Variants in FBN1 observed in about 807,000 individuals in gnomAD.
FBN1 encodes fibrillin-1.
Under a neutral mutation model 365.1 loss-of-function variants are expected in FBN1, and 29 were observed. The ratio of observed to expected loss-of-function variants is 0.08; its 90% CI spans 0.06 to 0.11. The LOEUF (loss-of-function observed/expected upper bound fraction) is 0.11, where lower values mean the gene tolerates loss of function less well. FBN1 is among the 10% of genes least tolerant of loss of function. The pLI, the probability that FBN1 is intolerant of heterozygous loss-of-function variation, is 1.00. For synonymous variants in FBN1, 1,210 were observed against 1,270.5 expected (o/e 0.95, Z 1.01); for missense variants, 2,476 against 3,703.2 (o/e 0.67, Z 8.60).
chr15:48,431,620 C>A (rs2043023214), intron 55 of FBN1, among the ~76,000 whole-genome samples: 1 of 148,790 alleles, frequency 6.7e-6, no homozygotes, highest in Non-Finnish European at 1.5e-5. Context: ...TTACATTATG[C>A]AATAATTATA....
chr15:48,448,724 C>T, intron 46 of FBN1, 44 bp downstream of exon 46: 1 of 1,585,982 alleles, frequency 6.3e-7, no homozygotes, highest in Non-Finnish European at 8.6e-7. Context: ...TCAAATGAAG[C>T]TTTCAACAGC....
intron 9 of FBN1, among the ~76,000 whole-genome samples, chr15:48,521,699 A>C (rs768542691): frequency 1.3e-5 from 2 of 152,250 alleles, no homozygotes; most frequent in Non-Finnish European, 2.9e-5. Flanking sequence ...TATTACCACG[A>C]AACAGTGAAG....
In FBN1 at chr15:48,531,928, GA is replaced by G. The variant is rs368047861; in HGVS notation, c.862+2151del. Among the ~76,000 whole-genome samples, 1,036 of 151,210 alleles carry G rather than the reference GA, an allele frequency of 6.9e-3. 16 individuals are homozygous for G. Among genetic ancestry groups the G allele is most frequent in the African/African-American group, 0.024 (988 of 41,220 alleles). ...ATTAATGTAATAGTAGATGGCAAAG[GA>G]AAAAAAAATCTAGCCAAAATAGTCT... is the stretch of plus-strand genomic sequence containing the variant. On this transcript the variant is annotated intron_variant, in intron 8 of 65. Coordinates refer to ENST00000316623, the MANE Select transcript of FBN1 (RefSeq NM_000138.5).
At chr15:48,437,733 C>T in intron 51 of FBN1, 35 bp downstream of exon 51, 1 of 1,612,092 alleles carries the variant, frequency 6.2e-7, no homozygotes, top group East Asian at 2.2e-5. Flanking sequence ...CTGCACCCTG[C>T]ATGGCCCAGA....
rs553696948 is a variant in FBN1 at position 48,590,364 on chromosome 15, T to C, written c.538+5919A>G. 7.0e-4 allele frequency among the ~76,000 whole-genome samples: 107 copies of C among 152,350 alleles called. 2 individuals are homozygous for C. Among genetic ancestry groups the C allele is most frequent in the African/African-American group, 2.5e-3 (102 of 41,588 alleles). On this transcript the variant is annotated intron_variant, in intron 6 of 65. Coordinates refer to ENST00000316623, the MANE Select transcript of FBN1 (RefSeq NM_000138.5). ...TCCAAAATGGACTATCTGATTATTA[T>C]ATATTTGGATAATTACATGTTAGTC... is the stretch of plus-strand genomic sequence containing the variant.
chr15:48,535,661 G>GTTCTTGAGAAAT (rs2044007325), intron 7 of FBN1, among the ~76,000 whole-genome samples: 1 of 152,138 alleles, frequency 6.6e-6, no homozygotes, highest in Non-Finnish European at 1.5e-5. Context: ...CTCAACCTGT[G>GTTCTTGAGAAAT]TTCTTGAGAA....
chr15:48,538,891 G>C (rs565261640), intron 6 of FBN1, among the ~76,000 whole-genome samples: 26 of 152,260 alleles, frequency 1.7e-4, no homozygotes, highest in African/African-American at 5.3e-4. Context: ...ACCTGTGAAC[G>C]CAACAGTTTT....
At chr15:48,603,463 A>G (rs752553622) in intron 4 of FBN1, among the ~76,000 whole-genome samples, 8 of 152,236 alleles carry the variant, frequency 5.3e-5, no homozygotes, top group Non-Finnish European at 1.0e-4. Context: ...GGGAAGTGAA[A>G]GAACTAGATA....
At chr15:48,468,632 AT>A in intron 36 of FBN1, 98 bp from the exon 37 acceptor site, 1 of 1,282,776 alleles carries the variant, frequency 7.8e-7, no homozygotes, top group Non-Finnish European at 1.1e-6. Flanking sequence ...CCAAACAAGA[AT>A]TTTAAAGCTA....
intron 2 of FBN1, among the ~76,000 whole-genome samples, chr15:48,617,512 G>A (rs548664796): frequency 2.6e-5 from 4 of 152,226 alleles, no homozygotes; most frequent in Admixed American, 6.5e-5. Context: ...TAGTTTATAG[G>A]GGAAAGAGGG....
Position 48,445,168 on chromosome 15 carries a change from A to G in FBN1, c.5917+208T>C, listed in dbSNP as rs527977897. Among the ~76,000 whole-genome samples, 557 of 140,542 alleles carry G rather than the reference A, an allele frequency of 4.0e-3. 6 individuals carry two copies. The highest frequency in any genetic ancestry group is 0.014 in the African/African-American group (537 of 38,950). The allele number at this position is 140,542 out of a possible 152,430, so 92.2% of individuals were successfully genotyped here. ...CACATATATATATACATATATATAT[A>G]CACACATATATATATGTATATATAT... On this transcript the variant is annotated intron_variant, in intron 48 of 65. Coordinates refer to ENST00000316623, the MANE Select transcript of FBN1 (RefSeq NM_000138.5).
At chr15:48,533,719 T>C (rs989632107) in intron 8 of FBN1, among the ~76,000 whole-genome samples, 2 of 152,172 alleles carry the variant, frequency 1.3e-5, no homozygotes, top group Non-Finnish European at 2.9e-5. Context: ...TCGGAAGATA[T>C]ATTATTCTGA....
intron 8 of FBN1, among the ~76,000 whole-genome samples, chr15:48,530,624 G>T (rs2043962408): frequency 6.6e-6 from 1 of 151,948 alleles, no homozygotes; most frequent in Admixed American, 6.6e-5. Flanking sequence ...AAAGTCTAGG[G>T]CCTGCAAACA....
At chr15:48,475,769 T>C (rs1023050174) in intron 32 of FBN1, among the ~76,000 whole-genome samples, 19 of 152,366 alleles carry the variant, frequency 1.2e-4, no homozygotes, top group Admixed American at 1.2e-3. Context: ...TTTGCAAACA[T>C]GCTATCTGCC....
At chr15:48,621,045 C>A (rs1344987109) in intron 2 of FBN1, among the ~76,000 whole-genome samples, 4 of 152,102 alleles carry the variant, frequency 2.6e-5, no homozygotes, top group African/African-American at 7.2e-5. Context: ...AACAAAATAA[C>A]AAAAGCAGCA....
intron 6 of FBN1, among the ~76,000 whole-genome samples, chr15:48,557,425 C>T (rs1239863627): frequency 6.6e-6 from 1 of 152,138 alleles, no homozygotes; most frequent in African/African-American, 2.4e-5. Flanking sequence ...AACTGGTTTC[C>T]CCTGCAGAGG....
chr15:48,423,762 T>C (rs183892926), intron 60 of FBN1, among the ~76,000 whole-genome samples: 12 of 152,312 alleles, frequency 7.9e-5, no homozygotes, highest in Non-Finnish European at 1.3e-4. Context: ...GTGGTGCAAC[T>C]ATCTGCACTA....
intron 23 of FBN1, among the ~76,000 whole-genome samples, chr15:48,493,068 C>T (rs1249136933): frequency 2.6e-5 from 4 of 152,136 alleles, no homozygotes; most frequent in African/African-American, 9.7e-5. Context: ...GATAAATCAC[C>T]AGAAAATGTA....
At chr15:48,485,632 AG>A in intron 29 of FBN1, 136 bp from the exon 30 acceptor site, 1 of 925,688 alleles carries the variant, frequency 1.1e-6, no homozygotes, top group Non-Finnish European at 1.7e-6. Context: ...TCATCCTATG[AG>A]GGCTCTACCC....
Sources: allele counts gnomAD v4.1 joint callset (sites outside exome capture counted in the v4.1 genomes callset), GRCh38; gene constraint gnomAD v4.1.1; transcripts MANE v1.5; gene names NCBI Gene and HGNC (gene_info 2026-07-23, HGNC 2026-07-21).